The following DYNC2H1 variants were observed in gnomAD, a reference collection of about 807,000 sequenced individuals.
DYNC2H1 encodes cytoplasmic dynein 2 heavy chain 1.
A neutral mutation model predicts 570.0 loss-of-function variants in DYNC2H1; 410 were observed. That is an observed-to-expected ratio of 0.72 (90% confidence interval 0.66 to 0.78). DYNC2H1 has a LOEUF of 0.78. DYNC2H1 is among the 30% of genes least tolerant of loss of function. The pLI is 0.00. For synonymous variants in DYNC2H1, 1,688 were observed against 1,677.6 expected, an observed-to-expected ratio of 1.01 and a Z score of -0.15; for missense variants, 4,865 against 5,046.4, an observed-to-expected ratio of 0.96 and a Z score of 1.09.
intron 83 of DYNC2H1, among the ~76,000 whole-genome samples, chr11:103,359,956 C>T (rs780844468): frequency 3.9e-5 from 6 of 151,998 alleles, no homozygotes; most frequent in Non-Finnish European, 8.8e-5. Context: ...TGAGCCACCA[C>T]GCCCAGCCCA....
intron 82 of DYNC2H1, among the ~76,000 whole-genome samples, chr11:103,330,806 C>T (rs1262445593): frequency 6.6e-6 from 1 of 152,020 alleles, no homozygotes; most frequent in African/African-American, 2.4e-5. Flanking sequence ...GCATGTGGCA[C>T]CAGCAGAGTC....
At chr11:103,415,000 A>G (rs1043406508) in intron 84 of DYNC2H1, among the ~76,000 whole-genome samples, 1 of 152,202 alleles carries the variant, frequency 6.6e-6, no homozygotes, top group Admixed American at 6.5e-5. Flanking sequence ...CCATCAAGCT[A>G]CCATTGACTT....
intron 12 of DYNC2H1, among the ~76,000 whole-genome samples, chr11:103,126,751 C>T (rs1859023100): frequency 6.6e-6 from 1 of 151,796 alleles, no homozygotes. Context: ...ATTCTCCTGC[C>T]TCAGCCTCCC....
rs535988847 is a variant in DYNC2H1, at chr11:103,191,639, A to T, written c.7540+20A>T. 6.8e-7 allele frequency: 1 copy of T among 1,473,970 alleles called. No homozygotes were observed. The highest frequency in any genetic ancestry group is 1.8e-5 in the Admixed American group (1 of 55,496). The allele number at this position is 1,473,970 out of a possible 1,614,324, so 91.3% of individuals were successfully genotyped here. ...AAGGAGGTGAGTTTTGCTAGTGTGT[A>T]TCTTGTGTGTGTGTGTGTGTGTGCA... On this transcript the variant is annotated intron_variant, in intron 46 of 88. Coordinates refer to ENST00000375735, the MANE Select transcript of DYNC2H1 (RefSeq NM_001377.3).
At position 103,456,427 on chromosome 11, in the gene DYNC2H1, G is replaced by T; in HGVS notation, c.12648+71G>T. ...CTGATATAAGAGATTCTGAAATTTT[G>T]ATCTCAAAGTGACCTATCTTTATAG... On this transcript the variant is annotated intron_variant, in intron 87 of 88. Transcript: ENST00000375735. 4 of 1,264,840 alleles carry T rather than the reference G, an allele frequency of 3.2e-6. No homozygotes were observed. In the Admixed American group the frequency reaches 6.0e-5, roughly 19 times the overall value. The allele number at this position is 1,264,840 out of a possible 1,614,324, so 78.4% of individuals were successfully genotyped here.
chr11:103,226,917 C>T (rs1863822200), intron 59 of DYNC2H1, among the ~76,000 whole-genome samples: 5 of 152,028 alleles, frequency 3.3e-5, no homozygotes, highest in African/African-American at 4.8e-5. Context: ...TTAATCTAGG[C>T]GGGTTGTATA....
intron 86 of DYNC2H1, 23 bp downstream of exon 86, chr11:103,455,318 C>A: frequency 6.3e-7 from 1 of 1,592,274 alleles, no homozygotes; most frequent in Non-Finnish European, 8.6e-7. Context: ...AAATACTTTA[C>A]CTATTTGTCC....
At chr11:103,348,726 T>G (rs1939888228) in intron 82 of DYNC2H1, among the ~76,000 whole-genome samples, 1 of 152,172 alleles carries the variant, frequency 6.6e-6, no homozygotes, top group Non-Finnish European at 1.5e-5. Context: ...GTTTCCATTT[T>G]GGGGCTCTGA....
rs1191259698 is a variant in DYNC2H1 at position 103,245,562 on chromosome 11, A to G, written c.10042+188A>G. Among the ~76,000 whole-genome samples, 1 of 152,166 alleles carries G rather than the reference A, an allele frequency of 6.6e-6. No individual in the cohort carries two copies. The highest frequency in any genetic ancestry group is 1.5e-5 in the Non-Finnish European group (1 of 68,010). Reference sequence around the variant, plus strand: ...GTTGTTTATCAGGAAAGCTCAGTAGAGACCTAGTACCCATAGTTTACTGGG... The same window carrying G: ...GTTGTTTATCAGGAAAGCTCAGTAGGGACCTAGTACCCATAGTTTACTGGG... On this transcript the variant is annotated intron_variant, in intron 65 of 88. Coordinates refer to ENST00000375735, the MANE Select transcript of DYNC2H1 (RefSeq NM_001377.3). This position sits in a 1 kb window ranked among gnomAD's most constrained non-coding sequence, Gnocchi z 4.5.
chr11:103,271,507 A>G (rs1412718846), intron 70 of DYNC2H1, among the ~76,000 whole-genome samples: 1 of 152,072 alleles, frequency 6.6e-6, no homozygotes, highest in Admixed American at 6.5e-5. Context: ...AGCAATAAAT[A>G]TAGTAGAGTA....
intron 55 of DYNC2H1, among the ~76,000 whole-genome samples, chr11:103,218,695 C>T (rs1338917195): frequency 1.3e-5 from 2 of 152,176 alleles, no homozygotes; most frequent in Non-Finnish European, 2.9e-5. Context: ...TGGCTAGTGA[C>T]ATTAGTAATA....
intron 82 of DYNC2H1, among the ~76,000 whole-genome samples, chr11:103,332,513 T>C (rs554967209): frequency 1.1e-4 from 17 of 151,236 alleles, no homozygotes; most frequent in Non-Finnish European, 2.5e-4. Context: ...ACTGAAATAC[T>C]GACCCTAGCA....
chr11:103,424,705 CAAA>C (rs72076859), intron 84 of DYNC2H1, among the ~76,000 whole-genome samples: 1 of 131,030 alleles, frequency 7.6e-6, no homozygotes. Flanking sequence ...ACTGGCTCTC[CAAA>C]AAAAAAAAAA....
intron 78 of DYNC2H1, among the ~76,000 whole-genome samples, chr11:103,310,450 A>G (rs189160449): frequency 1.2e-4 from 18 of 152,044 alleles, no homozygotes; most frequent in Non-Finnish European, 2.2e-4. Context: ...GTGATTTTCT[A>G]TGTAACTGTA....
chr11:103,235,282 T>G (rs1307431318), intron 61 of DYNC2H1, among the ~76,000 whole-genome samples: 1 of 151,960 alleles, frequency 6.6e-6, no homozygotes, highest in African/African-American at 2.4e-5. Context: ...TGTGCTTTAT[T>G]TACAATAACC....
chr11:103,225,455 C>T lies in DYNC2H1; in HGVS notation c.9353+2369C>T, dbSNP rs573857446. The stretch of plus-strand genomic sequence containing the variant: ...AGGGTGAGAGACGAGGATCCAGTTT[C>T]ATTCTTCTACGTGGGGCTTTCCGAT... On this transcript the variant is annotated intron_variant, in intron 59 of 88. Transcript: ENST00000375735. Among the ~76,000 whole-genome samples the T allele has an allele frequency of 2.0e-5, 3 of 152,254 alleles. No individual in the cohort carries two copies. The South Asian group carries it at 6.2e-4, about 32-fold the overall frequency.
intron 83 of DYNC2H1, among the ~76,000 whole-genome samples, chr11:103,361,572 A>G (rs917187833): frequency 3.9e-5 from 6 of 152,196 alleles, no homozygotes; most frequent in African/African-American, 1.4e-4. Flanking sequence ...TTACAATTTC[A>G]AAAAGTTTTT....
At position 103,468,704 on chromosome 11, in the gene DYNC2H1, A is replaced by C. The variant is rs749597536; in HGVS notation, c.12764A>C (p.Gln4255Pro). Reference protein sequence around the residue: ...VLPCFMGWIPQDACGPYSPDE... With the variant: ...VLPCFMGWIPPDACGPYSPDE... Reference sequence around the variant, plus strand: ...CCTTGTTTTATGGGCTGGATTCCACAGGTAATACATTTTTAACAAGCACAA... The same window carrying C: ...CCTTGTTTTATGGGCTGGATTCCACCGGTAATACATTTTTAACAAGCACAA... The change falls in exon 88 of 89, where the codon CAG becomes CCG. Residue 4255 changes from glutamine to proline, a missense_variant and splice_region_variant. By Grantham distance (76) the Gln-to-Pro change is moderately conservative. Around this residue, in one of 5 missense-constraint regions of DYNC2H1, gnomAD observed 2,401 missense variants for 2,454.6 expected, o/e 0.98. Transcript: ENST00000375735. 4.4e-6 allele frequency: 7 copies of C among 1,603,326 alleles called. No individual in the cohort carries two copies. In the East Asian group the frequency reaches 1.6e-4, roughly 36 times the overall value.
At position 103,472,477 on chromosome 11, in the gene DYNC2H1, T is replaced by G. The variant is rs1232596867; in HGVS notation, c.12765+3772T>G. Among the ~76,000 whole-genome samples, 1 of 152,176 alleles carries G rather than the reference T, an allele frequency of 6.6e-6. No homozygotes were observed. The highest frequency in any genetic ancestry group is 1.5e-5 in the Non-Finnish European group (1 of 68,028). On this transcript the variant is annotated intron_variant, in intron 88 of 88. Coordinates refer to ENST00000375735, the MANE Select transcript of DYNC2H1 (RefSeq NM_001377.3). The surrounding 1 kb of genome is among the most constrained non-coding windows in gnomAD (Gnocchi z 4.1). ...AGCAGTGAGTGGTTGGATAATAGATTGGCACACTGTGAGATACAATTATAC... is the reference window on the plus strand; with the variant it reads ...AGCAGTGAGTGGTTGGATAATAGATGGGCACACTGTGAGATACAATTATAC...
Sources: allele counts gnomAD v4.1 joint callset (sites outside exome capture counted in the v4.1 genomes callset), GRCh38; gene constraint gnomAD v4.1.1; regional missense constraint gnomAD v4.1.1; non-coding constraint Gnocchi (gnomAD v3.1); transcripts MANE v1.5; gene names NCBI Gene and HGNC (gene_info 2026-07-23, HGNC 2026-07-21).